Variants in FGF14 observed in about 807,000 individuals in gnomAD.
The protein encoded by FGF14 is fibroblast growth factor 14.
Under a neutral mutation model 25.5 loss-of-function variants are expected in FGF14, and 5 were observed. The observed-to-expected ratio is 0.20, with a 90% CI of 0.10 to 0.41. The LOEUF (loss-of-function observed/expected upper bound fraction) is 0.41, where lower values mean the gene tolerates loss of function less well. Among genes scored for constraint, FGF14 ranks in the 10% least tolerant of loss-of-function variants. FGF14 has a pLI of 1.00. For missense variants in FGF14, 222 were observed against 320.1 expected, an observed-to-expected ratio of 0.69 and a Z score of 2.34; for synonymous variants, 138 against 118.3, an observed-to-expected ratio of 1.17 and a Z score of -1.08.
intron 3 of FGF14, among the ~76,000 whole-genome samples, chr13:101,848,398 T>C (rs184211611): frequency 6.6e-6 from 1 of 152,028 alleles, no homozygotes; most frequent in Non-Finnish European, 1.5e-5. Context: ...TGCATTTCTA[T>C]TTAATAAAAT....
chr13:101,987,622 A>T (rs1214842774), intron 1 of FGF14, among the ~76,000 whole-genome samples: 1 of 152,004 alleles, frequency 6.6e-6, no homozygotes, highest in Non-Finnish European at 1.5e-5. Flanking sequence ...CTCTGTTATT[A>T]CCTCCAAGAG....
intron 1 of FGF14, among the ~76,000 whole-genome samples, chr13:102,389,889 C>T (rs1311295276): frequency 6.6e-6 from 1 of 152,142 alleles, no homozygotes; most frequent in Non-Finnish European, 1.5e-5. Flanking sequence ...CCCAGGAGTC[C>T]CCTGTCTTCT....
At chr13:102,159,486 T>A (rs1566760858) in intron 1 of FGF14, among the ~76,000 whole-genome samples, 1 of 152,198 alleles carries the variant, frequency 6.6e-6, no homozygotes, top group Non-Finnish European at 1.5e-5. Flanking sequence ...AAATGCCAAC[T>A]CTTCTCCACT....
At chr13:102,069,792 A>G (rs2043080310) in intron 1 of FGF14, among the ~76,000 whole-genome samples, 1 of 152,214 alleles carries the variant, frequency 6.6e-6, no homozygotes, top group Non-Finnish European at 1.5e-5. Context: ...CTGCGGCTTC[A>G]TTCTTGAAGT....
At chr13:101,809,477 T>G (rs982214743) in intron 3 of FGF14, among the ~76,000 whole-genome samples, 1 of 152,114 alleles carries the variant, frequency 6.6e-6, no homozygotes, top group African/African-American at 2.4e-5. Flanking sequence ...GGGACTCCAT[T>G]TTGCTGCTTC....
At chr13:102,181,095 C>G (rs908068347) in intron 1 of FGF14, among the ~76,000 whole-genome samples, 1 of 152,128 alleles carries the variant, frequency 6.6e-6, no homozygotes, top group Non-Finnish European at 1.5e-5. Context: ...TTCGACCCAT[C>G]ATTGAGAATA....
intron 1 of FGF14, chr13:102,003,125 T>C (rs895716156): frequency 6.6e-6 from 1 of 152,214 alleles, no homozygotes; most frequent in Non-Finnish European, 1.5e-5. Context: ...TTAAAATTTA[T>C]AATATTAAAG....
intron 1 of FGF14, among the ~76,000 whole-genome samples, chr13:101,963,116 G>T (rs890880039): frequency 5.9e-5 from 9 of 152,180 alleles, no homozygotes; most frequent in African/African-American, 1.4e-4. Context: ...ACTCTCAACT[G>T]CTGACACTCA....
At chr13:101,990,354 A>C (rs987707670) in intron 1 of FGF14, among the ~76,000 whole-genome samples, 1 of 152,164 alleles carries the variant, frequency 6.6e-6, no homozygotes, top group African/African-American at 2.4e-5. Context: ...ACTTTGAATT[A>C]GAATTTAGTG....
chr13:101,986,015 A>G (rs1393701415), intron 1 of FGF14, among the ~76,000 whole-genome samples: 1 of 152,174 alleles, frequency 6.6e-6, no homozygotes, highest in African/African-American at 2.4e-5. Context: ...AAGACAGATG[A>G]AAATCCAATT....
At chr13:102,308,389 A>C (rs1231892690) in intron 1 of FGF14, among the ~76,000 whole-genome samples, 1 of 152,216 alleles carries the variant, frequency 6.6e-6, no homozygotes, top group Non-Finnish European at 1.5e-5. Flanking sequence ...ACGAACATCC[A>C]AACAGGTATA....
chr13:102,121,232 A>G (rs1444529441), intron 1 of FGF14, among the ~76,000 whole-genome samples: 11 of 151,968 alleles, frequency 7.2e-5, no homozygotes, highest in South Asian at 2.1e-4. Flanking sequence ...GGAAAGCCAT[A>G]CTTCTCAGTG....
intron 1 of FGF14, among the ~76,000 whole-genome samples, chr13:102,198,572 G>C (rs554245678): frequency 6.6e-4 from 101 of 152,288 alleles, no homozygotes; most frequent in African/African-American, 2.4e-3. Flanking sequence ...ATTGAACGGA[G>C]CGTCCCTCTG....
At chr13:101,970,668 T>C (rs1876344870) in intron 1 of FGF14, among the ~76,000 whole-genome samples, 1 of 152,214 alleles carries the variant, frequency 6.6e-6, no homozygotes, top group South Asian at 2.1e-4. Flanking sequence ...AAAATGCATT[T>C]GCTCTAAACG....
rs918505356 is a variant in FGF14 at position 101,715,875 on chromosome 13, A to G, written c.*6956T>C. On this transcript the variant is annotated 3_prime_UTR_variant, in exon 5 of 5. Transcript: ENST00000376143. The stretch of plus-strand genomic sequence containing the variant: ...AAAAAAAGATTCTTCCATAATTAAC[A>G]TAAGTGGTTCCTAACGAGAGCAATT... 12 of 439,756 alleles carry G rather than the reference A, an allele frequency of 2.7e-5. 1 individual carries two copies. In the South Asian group the frequency reaches 3.7e-4, roughly 14 times the overall value. The allele number at this position is 439,756 out of a possible 1,614,324, so 27.2% of individuals were successfully genotyped here. A position where few individuals can be genotyped will look rare whatever the true frequency, so the allele number is the denominator to read the frequency against.
intron 1 of FGF14, chr13:102,395,403 A>G (rs2058555610): frequency 6.6e-6 from 1 of 152,214 alleles, no homozygotes; most frequent in Non-Finnish European, 1.5e-5. Context: ...GTATTTTGCG[A>G]GAGGCTCGAG....
In FGF14 at chr13:101,711,565, C is replaced by T. The variant is rs535127263; in HGVS notation, c.*11266G>A. ...TGCCTGGAGATACATCACAGATAGG[C>T]AGATCACTAAAAAGAAGAGTGGATT... On this transcript the variant is annotated 3_prime_UTR_variant, in exon 5 of 5. Transcript: ENST00000376143. 1 of 152,348 alleles carries T rather than the reference C, an allele frequency of 6.6e-6. No individual in the cohort carries two copies. Among genetic ancestry groups the T allele is most frequent in the East Asian group, 1.9e-4 (1 of 5,184 alleles). 9.4% of individuals were successfully genotyped at this position (152,348 alleles called of 1,614,324 possible). A position where few individuals can be genotyped will look rare whatever the true frequency, so the allele number is the denominator to read the frequency against.
intron 1 of FGF14, among the ~76,000 whole-genome samples, chr13:102,270,716 C>T (rs1344224271): frequency 6.6e-6 from 1 of 151,948 alleles, no homozygotes; most frequent in Non-Finnish European, 1.5e-5. Flanking sequence ...TTTGTTTTTC[C>T]TTCTTGCTGA....
intron 1 of FGF14, among the ~76,000 whole-genome samples, chr13:102,194,632 A>T (rs533746739): frequency 9.8e-5 from 15 of 152,348 alleles, no homozygotes; most frequent in African/African-American, 2.9e-4. Flanking sequence ...AAGTGTACCA[A>T]CATCCACATA....
Sources: gnomAD v4.1 joint callset for allele counts (sites outside exome capture counted in the v4.1 genomes callset) on GRCh38, gnomAD v4.1.1 for gene constraint, MANE v1.5 for transcripts, NCBI Gene and HGNC (gene_info 2026-07-23, HGNC 2026-07-21) for gene names.